DCUN1D5: variants seen among roughly 807,000 people sequenced by gnomAD.
The protein encoded by DCUN1D5 is DCN1-like protein 5.
Under a neutral mutation model 38.3 loss-of-function variants are expected in DCUN1D5, and 10 were observed. The observed-to-expected ratio is 0.26, with a 90% CI of 0.16 to 0.44. The LOEUF is 0.44. Ranked by LOEUF, DCUN1D5 falls within the 20% of genes least tolerant of loss-of-function variation. The pLI is 1.00. For missense variants in DCUN1D5, 148 were observed against 275.3 expected, an observed-to-expected ratio of 0.54 and a Z score of 3.27; for synonymous variants, 93 against 90.9, an observed-to-expected ratio of 1.02 and a Z score of -0.13.
At chr11:103,067,395 C>A (rs1862160885) in intron 4 of DCUN1D5, among the ~76,000 whole-genome samples, 1 of 152,148 alleles carries the variant, frequency 6.6e-6, no homozygotes, top group Non-Finnish European at 1.5e-5. Flanking sequence ...TTCCCAAATG[C>A]CACTGCCATA....
In DCUN1D5 at chr11:103,091,978, G is replaced by C; in HGVS notation, c.-106C>G. 1.8e-6 allele frequency: 2 copies of C among 1,103,522 alleles called. No homozygotes were observed. The highest frequency in any genetic ancestry group is 1.6e-5 in the South Asian group (1 of 63,852). 68.4% of individuals were successfully genotyped at this position (1,103,522 alleles called of 1,614,324 possible). A position where few individuals can be genotyped will look rare whatever the true frequency, so the allele number is the denominator to read the frequency against. On this transcript the variant is annotated 5_prime_UTR_variant, in exon 1 of 8. Transcript: ENST00000260247. The surrounding 1 kb of genome is among the most constrained non-coding windows in gnomAD (Gnocchi z 4.3). ...CCAGTTCCCAGAGACAGCAGCAAGC[G>C]GAGGAGCAGAGTCGCCAGCCCGCAC... is the stretch of plus-strand genomic sequence containing the variant.
rs924019523 is a variant in DCUN1D5 at position 103,082,756 on chromosome 11, A to C, written c.333T>G (p.Thr111=). Residue 111 remains threonine, a synonymous_variant, in exon 4 of 8, where the codon ACT becomes ACG. Transcript: ENST00000260247. ...TTAAAAAAATTTCTTACTGTAATGAAGTCATTCCCTTTAACCATTCTTCCT... is the reference window on the plus strand; with the variant it reads ...TTAAAAAAATTTCTTACTGTAATGACGTCATTCCCTTTAACCATTCTTCCT... ...FTKEEWLKGM[T]SLQCDCTEKL... 14 of 1,611,320 alleles carry C rather than the reference A, an allele frequency of 8.7e-6. No homozygotes were observed. The highest frequency in any genetic ancestry group is 1.2e-5 in the Non-Finnish European group (14 of 1,178,064).
rs1203529098 is a variant in DCUN1D5 at position 103,062,976 on chromosome 11, T to A, written c.659-562A>T. 2.0e-5 allele frequency among the ~76,000 whole-genome samples: 3 copies of A among 152,238 alleles called. No homozygotes were observed. The South Asian group carries it at 6.2e-4, about 32-fold the overall frequency. On this transcript the variant is annotated intron_variant, in intron 7 of 7. Coordinates refer to ENST00000260247, the MANE Select transcript of DCUN1D5 (RefSeq NM_032299.4). The surrounding 1 kb of genome is among the most constrained non-coding windows in gnomAD (Gnocchi z 4.6). Reference sequence around the variant, plus strand: ...TGCTGACAGAGCCAAGTAGGCAGTTTAAATGAGCTCAGTGTTTATTTTGTT... The same window carrying A: ...TGCTGACAGAGCCAAGTAGGCAGTTAAAATGAGCTCAGTGTTTATTTTGTT...
intron 4 of DCUN1D5, among the ~76,000 whole-genome samples, chr11:103,072,129 T>C (rs1246355963): frequency 6.6e-6 from 1 of 152,082 alleles, no homozygotes; most frequent in Non-Finnish European, 1.5e-5. Context: ...AAGCCAACGT[T>C]TTCTCTCTAA....
rs1164712352 is a variant in DCUN1D5 at position 103,087,305 on chromosome 11, G to C, written c.178+1922C>G. 6.6e-6 allele frequency among the ~76,000 whole-genome samples: 1 copy of C among 151,772 alleles called. No individual in the cohort carries two copies. Among genetic ancestry groups the C allele is most frequent in the Non-Finnish European group, 1.5e-5 (1 of 67,978 alleles). The stretch of plus-strand genomic sequence containing the variant: ...CCTGCCCCAGCCTCCCAAGTAGCTG[G>C]GACTACAGGCGCACACCACCACGCC... On this transcript the variant is annotated intron_variant, in intron 2 of 7. Transcript: ENST00000260247. The surrounding 1 kb of genome is among the most constrained non-coding windows in gnomAD (Gnocchi z 4.1).
chr11:103,091,464 A>C lies in DCUN1D5; in HGVS notation c.86+323T>G. On this transcript the variant is annotated intron_variant, in intron 1 of 7. Coordinates refer to ENST00000260247, the MANE Select transcript of DCUN1D5 (RefSeq NM_032299.4). This position sits in a 1 kb window ranked among gnomAD's most constrained non-coding sequence, Gnocchi z 4.3. ...CAGAGGAGCGATACGGGAGTAGGGG[A>C]TCGAGGGTCGGTTGTGGGGTGGGGG... The C allele has an allele frequency of 3.9e-6, 1 of 256,492 alleles. No homozygotes were observed. The highest frequency in any genetic ancestry group is 6.9e-6 in the Non-Finnish European group (1 of 144,016). The allele number at this position is 256,492 out of a possible 1,614,324, so 15.9% of individuals were successfully genotyped here. A position where few individuals can be genotyped will look rare whatever the true frequency, so the allele number is the denominator to read the frequency against.
At chr11:103,068,505 C>A (rs1189269572) in intron 4 of DCUN1D5, among the ~76,000 whole-genome samples, 1 of 151,954 alleles carries the variant, frequency 6.6e-6, no homozygotes, top group Non-Finnish European at 1.5e-5. Context: ...TACTAAGCAG[C>A]CATAAAAAAA....
At position 103,071,099 on chromosome 11, in the gene DCUN1D5, T is replaced by G. The variant is rs1490716990; in HGVS notation, c.342-4532A>C. 6.6e-6 allele frequency among the ~76,000 whole-genome samples: 1 copy of G among 151,822 alleles called. No homozygotes were observed. The highest frequency in any genetic ancestry group is 2.4e-5 in the African/African-American group (1 of 41,336). On this transcript the variant is annotated intron_variant, in intron 4 of 7. Coordinates refer to ENST00000260247, the MANE Select transcript of DCUN1D5 (RefSeq NM_032299.4). The surrounding 1 kb of genome is among the most constrained non-coding windows in gnomAD (Gnocchi z 4.1). ...AATTTATAGTGCTAAATACACACAT[T>G]AGAAAAAAGAAAAAGCCTTAATCAA...
chr11:103,091,693 G>GC lies in DCUN1D5; in HGVS notation c.86+93dup, dbSNP rs1565296544. 1 of 1,609,114 alleles carries GC rather than the reference G, an allele frequency of 6.2e-7. No homozygotes were observed. Reference sequence around the variant, plus strand: ...ATCAAAGGGGCCTCACCTGTCTCCAGCCCCAGCCCGGCAGGCCGGGCCCGA... The same window carrying GC: ...ATCAAAGGGGCCTCACCTGTCTCCAGCCCCCAGCCCGGCAGGCCGGGCCCGA... On this transcript the variant is annotated intron_variant, in intron 1 of 7. Coordinates refer to ENST00000260247, the MANE Select transcript of DCUN1D5 (RefSeq NM_032299.4). The surrounding 1 kb of genome is among the most constrained non-coding windows in gnomAD (Gnocchi z 4.3).
rs929389113 is a variant in DCUN1D5, at chr11:103,062,842, G to A, written c.659-428C>T. On this transcript the variant is annotated intron_variant, in intron 7 of 7. Transcript: ENST00000260247. The surrounding 1 kb of genome is among the most constrained non-coding windows in gnomAD (Gnocchi z 4.6). ...ACTTACTTTATTCCAATAACAGGAT[G>A]TAGTACAAAGCTGAACACAAAGCAA... 8.5e-5 allele frequency among the ~76,000 whole-genome samples: 13 copies of A among 152,232 alleles called. No individual in the cohort carries two copies. The highest frequency in any genetic ancestry group is 3.9e-4 in the East Asian group (2 of 5,184).
At chr11:103,074,091 C>CA (rs969552925) in intron 4 of DCUN1D5, among the ~76,000 whole-genome samples, 4 of 150,768 alleles carry the variant, frequency 2.7e-5, no homozygotes, top group Admixed American at 1.3e-4. Flanking sequence ...GTGAGATTCT[C>CA]AAAAAAAAGT....
intron 2 of DCUN1D5, among the ~76,000 whole-genome samples, chr11:103,088,127 T>C (rs1405794933): frequency 6.6e-6 from 1 of 152,152 alleles, no homozygotes; most frequent in African/African-American, 2.4e-5. Flanking sequence ...ACAGTAAAGT[T>C]ACTGCCCCCC....
At chr11:103,081,522 G>T (rs1862563453) in intron 4 of DCUN1D5, among the ~76,000 whole-genome samples, 2 of 152,084 alleles carry the variant, frequency 1.3e-5, no homozygotes, top group Non-Finnish European at 2.9e-5. Flanking sequence ...AAAAATAATG[G>T]TCCTCTATTT....
chr11:103,080,581 G>C (rs1454719034), intron 4 of DCUN1D5, among the ~76,000 whole-genome samples: 1 of 152,216 alleles, frequency 6.6e-6, no homozygotes, highest in Non-Finnish European at 1.5e-5. Context: ...AGGCTCTACA[G>C]TATATTATTC....
chr11:103,064,218 C>A lies in DCUN1D5; in HGVS notation c.658+57G>T. The A allele has an allele frequency of 7.5e-7, 1 of 1,335,276 alleles. No individual in the cohort carries two copies. Among genetic ancestry groups the A allele is most frequent in the South Asian group, 1.2e-5 (1 of 82,424 alleles). The allele number at this position is 1,335,276 out of a possible 1,614,324, so 82.7% of individuals were successfully genotyped here. A position where few individuals can be genotyped will look rare whatever the true frequency, so the allele number is the denominator to read the frequency against. On this transcript the variant is annotated intron_variant, in intron 7 of 7. Coordinates refer to ENST00000260247, the MANE Select transcript of DCUN1D5 (RefSeq NM_032299.4). The surrounding 1 kb of genome is among the most constrained non-coding windows in gnomAD (Gnocchi z 4.5). ...TGCTAATACTACACAAATGCATACT[C>A]TCATTTAATATTTTTGGAAATTTTG...
Position 103,057,347 on chromosome 11 carries a change from A to AT in DCUN1D5, c.*5011dup, listed in dbSNP as rs970624136. On this transcript the variant is annotated 3_prime_UTR_variant, in exon 8 of 8. Coordinates refer to ENST00000260247, the MANE Select transcript of DCUN1D5 (RefSeq NM_032299.4). The surrounding 1 kb of genome is among the most constrained non-coding windows in gnomAD (Gnocchi z 4.8). Reference sequence around the variant, plus strand: ...CAAAGGCAATTGTTAGCAACAGCAAATTTTTTTTTGACCTTCAAAATATGT... The same window carrying AT: ...CAAAGGCAATTGTTAGCAACAGCAAATTTTTTTTTTGACCTTCAAAATATGT... Among the ~76,000 whole-genome samples the AT allele has an allele frequency of 3.3e-5, 5 of 151,352 alleles. No homozygotes were observed. Among genetic ancestry groups the AT allele is most frequent in the South Asian group, 2.1e-4 (1 of 4,802 alleles).
intron 4 of DCUN1D5, among the ~76,000 whole-genome samples, chr11:103,074,242 C>G (rs1316978600): frequency 1.3e-5 from 2 of 152,202 alleles, no homozygotes; most frequent in Non-Finnish European, 2.9e-5. Flanking sequence ...AGACTAGTAT[C>G]AGCAAACTCT....
In DCUN1D5 at chr11:103,066,585, T is replaced by G. The variant is rs908658017; in HGVS notation, c.342-18A>C. The G allele has an allele frequency of 6.9e-7, 1 of 1,452,362 alleles. No homozygotes were observed. The highest frequency in any genetic ancestry group is 1.2e-5 in the South Asian group (1 of 85,314). The allele number at this position is 1,452,362 out of a possible 1,614,324, so 90.0% of individuals were successfully genotyped here. ...AGTCACACCTTAAATAAAAGAAATA[T>G]CAAACAAATTACATAATCAAGAAAA... On this transcript the variant is annotated intron_variant, in intron 4 of 7. Transcript: ENST00000260247. This position sits in a 1 kb window ranked among gnomAD's most constrained non-coding sequence, Gnocchi z 4.7.
At chr11:103,090,529 C>G (rs962339788) in intron 1 of DCUN1D5, among the ~76,000 whole-genome samples, 2 of 152,204 alleles carry the variant, frequency 1.3e-5, no homozygotes, top group African/African-American at 4.8e-5. Context: ...ATAATCCTGG[C>G]TACAGTCTCC....
Sources: allele counts gnomAD v4.1 joint callset (sites outside exome capture counted in the v4.1 genomes callset), GRCh38; gene constraint gnomAD v4.1.1; non-coding constraint Gnocchi (gnomAD v3.1); transcripts MANE v1.5; gene names NCBI Gene and HGNC (gene_info 2026-07-23, HGNC 2026-07-21).